CIB2: variants seen among roughly 807,000 people sequenced by gnomAD.
The protein encoded by CIB2 is calcium and integrin-binding family member 2.
A neutral mutation model predicts 23.1 loss-of-function variants in CIB2; 19 were observed. The observed-to-expected ratio is 0.82, with a 90% CI of 0.57 to 1.21. The LOEUF is 1.21. CIB2 is among the 50% of genes most tolerant of loss of function. The probability of loss-of-function intolerance (pLI) is 0.00; values close to 1 mark genes in which losing one functional copy is unlikely to be tolerated. For synonymous variants in CIB2, 94 were observed against 91.7 expected (o/e 1.03, Z -0.14); for missense variants, 220 against 241.5 (o/e 0.91, Z 0.59).
chr15:78,105,453 T>C lies in CIB2; in HGVS notation c.543-121A>G. On this transcript the variant is annotated intron_variant, in intron 5 of 5. Coordinates refer to ENST00000258930, the MANE Select transcript of CIB2 (RefSeq NM_006383.4). ...TGGACAGTGCCTCATTAGGGAACCC[T>C]GCATAGTGGATGCAGGTAATCAACA... The C allele has an allele frequency of 2.6e-6, 4 of 1,559,796 alleles. No individual in the cohort carries two copies. In the South Asian group the frequency reaches 4.7e-5, roughly 18 times the overall value.
chr15:78,114,817 A>G (rs925599121), intron 2 of CIB2, among the ~76,000 whole-genome samples: 4 of 151,724 alleles, frequency 2.6e-5, no homozygotes, highest in African/African-American at 9.7e-5. Flanking sequence ...ATGTGGTGAT[A>G]TGCATCAGTA....
chr15:78,120,110 G>A (rs1332914449), intron 2 of CIB2, among the ~76,000 whole-genome samples: 1 of 151,920 alleles, frequency 6.6e-6, no homozygotes. Context: ...CACCATGTTG[G>A]CCAGACTGGT....
At position 78,126,717 on chromosome 15, in the gene CIB2, T is replaced by C. The variant is rs377178499; in HGVS notation, c.52-2978A>G. ...GTTATTTCAGTGGCTGCAGAGTCCC[T>C]GCCTAGTCTTAATCTTTCTTCTCTT... On this transcript the variant is annotated intron_variant, in intron 1 of 5. Coordinates refer to ENST00000258930, the MANE Select transcript of CIB2 (RefSeq NM_006383.4). Among the ~76,000 whole-genome samples, 7 of 152,230 alleles carry C rather than the reference T, an allele frequency of 4.6e-5. No individual in the cohort carries two copies. In the East Asian group the frequency reaches 1.3e-3, roughly 29 times the overall value.
intron 2 of CIB2, among the ~76,000 whole-genome samples, chr15:78,115,376 C>T (rs886654467): frequency 4.0e-5 from 6 of 151,780 alleles, no homozygotes; most frequent in African/African-American, 1.2e-4. Flanking sequence ...TCTCATGCCT[C>T]GGCCTCCCAA....
rs1402900976 is a variant in CIB2 at position 78,110,340 on chromosome 15, G to A, written c.198+825C>T. Among the ~76,000 whole-genome samples, 3 of 152,346 alleles carry A rather than the reference G, an allele frequency of 2.0e-5. No homozygotes were observed. The East Asian group carries it at 5.8e-4, about 29-fold the overall frequency. ...GTCTCACCTGCTCCAGCAACCCTCTGAGCTTGCTCTTGAGCCCCTTGCTGG... is the reference window on the plus strand; with the variant it reads ...GTCTCACCTGCTCCAGCAACCCTCTAAGCTTGCTCTTGAGCCCCTTGCTGG... On this transcript the variant is annotated intron_variant, in intron 3 of 5. Transcript: ENST00000258930.
chr15:78,127,288 T>C (rs545635601), intron 1 of CIB2, among the ~76,000 whole-genome samples: 24 of 152,272 alleles, frequency 1.6e-4, no homozygotes, highest in Non-Finnish European at 3.1e-4. Context: ...AGGAACCCTT[T>C]CTTACACTTT....
rs145631140 is a variant in CIB2 at position 78,111,166 on chromosome 15, C to T, written c.197G>A (p.Arg66Gln). The T allele has an allele frequency of 5.8e-5, 94 of 1,613,506 alleles. No homozygotes were observed. The highest frequency in any genetic ancestry group is 6.9e-5 in the Non-Finnish European group (81 of 1,179,604). Reference sequence around the variant, plus strand: ...GCCAGCAAGAGGTCCTGCACATACCCGGAGCTCTGGCATCTGGATGATGAG... The same window carrying T: ...GCCAGCAAGAGGTCCTGCACATACCTGGAGCTCTGGCATCTGGATGATGAG... ...MSLIIQMPEL[R>Q]ENPFKERIVA... Residue 66 changes from arginine (R) to glutamine (Q), a missense_variant and splice_region_variant, in exon 3 of 6, where the codon CGG (arginine) becomes CAG (glutamine). Transcript: ENST00000258930.
intron 2 of CIB2, among the ~76,000 whole-genome samples, chr15:78,123,391 C>CA (rs1452720708): frequency 6.6e-6 from 1 of 152,140 alleles, no homozygotes; most frequent in Non-Finnish European, 1.5e-5. Flanking sequence ...CTCCATCTGT[C>CA]AAATGGGGAT....
intron 4 of CIB2, 39 bp from the exon 5 acceptor site, chr15:78,105,973 C>T (rs1448995575): frequency 8.3e-6 from 13 of 1,570,410 alleles, no homozygotes; most frequent in African/African-American, 2.7e-5. Flanking sequence ...GTCCAGGCTG[C>T]GTGCACCCAG....
chr15:78,113,322 GA>G (rs1265049620), intron 2 of CIB2, among the ~76,000 whole-genome samples: 1 of 152,196 alleles, frequency 6.6e-6, no homozygotes, highest in Non-Finnish European at 1.5e-5. Flanking sequence ...AGCAGGAGGG[GA>G]AAACCCCTAA....
chr15:78,119,918 T>C (rs1026125447), intron 2 of CIB2, among the ~76,000 whole-genome samples: 2 of 151,736 alleles, frequency 1.3e-5, no homozygotes, highest in African/African-American at 4.8e-5. Context: ...TTTTTTTTTT[T>C]GAGTCAGAGT....
At chr15:78,110,500 C>T (rs575412224) in intron 3 of CIB2, among the ~76,000 whole-genome samples, 134 of 152,356 alleles carry the variant, frequency 8.8e-4, no homozygotes, top group South Asian at 2.3e-3. Context: ...CATCCCAGGC[C>T]TGGCAAGGGG....
chr15:78,125,443 T>C (rs2074369413), intron 1 of CIB2, among the ~76,000 whole-genome samples: 1 of 152,144 alleles, frequency 6.6e-6, no homozygotes, highest in Admixed American at 6.5e-5. Context: ...CCCTCTTCTC[T>C]CTCCTATCCC....
At chr15:78,120,325 C>A (rs1312308690) in intron 2 of CIB2, among the ~76,000 whole-genome samples, 2 of 152,188 alleles carry the variant, frequency 1.3e-5, no homozygotes, top group African/African-American at 4.8e-5. Context: ...CTTCTCTTGA[C>A]TGGCTTCATT....
chr15:78,115,971 ATG>A (rs937502343), intron 2 of CIB2, among the ~76,000 whole-genome samples: 1 of 151,992 alleles, frequency 6.6e-6, no homozygotes, highest in African/African-American at 2.4e-5. Context: ...AGTTCTGCAT[ATG>A]TGAGTCAACT....
chr15:78,113,096 G>A (rs2074184601), intron 2 of CIB2, among the ~76,000 whole-genome samples: 1 of 152,130 alleles, frequency 6.6e-6, no homozygotes, highest in Non-Finnish European at 1.5e-5. Flanking sequence ...ATCCTACACA[G>A]CCAATGAGCA....
At chr15:78,105,380 C>A (rs2074051096) in intron 5 of CIB2, 48 bp from the exon 6 acceptor site, 2 of 1,612,426 alleles carry the variant, frequency 1.2e-6, no homozygotes, top group African/African-American at 1.3e-5. Context: ...CTGGGTCGGG[C>A]AGGTAAAGGC....
chr15:78,105,323 G>C lies in CIB2; in HGVS notation c.552C>G (p.His184Gln). 1 of 1,614,070 alleles carries C rather than the reference G, an allele frequency of 6.2e-7. No homozygotes were observed. Among genetic ancestry groups the C allele is most frequent in the Non-Finnish European group, 8.5e-7 (1 of 1,179,976 alleles). ...AKAPDFLSTF[H>Q]IRI ...CTCGGCAGTGTCCTCAGATCCGGAT[G>C]TGGAAAGTGCTAGAAAGAGAGAAAG... is the stretch of plus-strand genomic sequence containing the variant. The change falls in exon 6 of 6, where the codon CAC becomes CAG. Residue 184 changes from histidine to glutamine, a missense_variant. Coordinates refer to ENST00000258930, the MANE Select transcript of CIB2 (RefSeq NM_006383.4).
intron 2 of CIB2, among the ~76,000 whole-genome samples, chr15:78,112,336 G>A (rs2074173065): frequency 6.6e-6 from 1 of 152,200 alleles, no homozygotes; most frequent in South Asian, 2.1e-4. Context: ...GGAGGCTGAG[G>A]TGGGAGGACC....
Sources: gnomAD v4.1 joint callset for allele counts (sites outside exome capture counted in the v4.1 genomes callset) on GRCh38, gnomAD v4.1.1 for gene constraint, MANE v1.5 for transcripts, NCBI Gene and HGNC (gene_info 2026-07-23, HGNC 2026-07-21) for gene names.